PRKCA: variants seen among roughly 807,000 people sequenced by gnomAD.
The protein encoded by PRKCA is protein kinase C alpha.
A neutral mutation model predicts 87.0 loss-of-function variants in PRKCA; 27 were observed. That is an observed-to-expected ratio of 0.31 (90% CI 0.23 to 0.43). The LOEUF (loss-of-function observed/expected upper bound fraction) is 0.43, where lower values mean the gene tolerates loss of function less well. Among genes scored for constraint, PRKCA ranks in the 20% least tolerant of loss-of-function variants. The pLI is 1.00. For missense variants in PRKCA, 518 were observed against 852.3 expected, an observed-to-expected ratio of 0.61 and a Z score of 4.88; for synonymous variants, 329 against 311.1, an observed-to-expected ratio of 1.06 and a Z score of -0.61.
chr17:66,735,339 C>A, intron 9 of PRKCA, 150 bp from the exon 10 acceptor site: 2 of 806,602 alleles, frequency 2.5e-6, no homozygotes, highest in East Asian at 2.6e-5. Flanking sequence ...GTAGAATTTA[C>A]AAATTTGCAC....
At position 66,406,585 on chromosome 17, in the gene PRKCA, G is replaced by GTTTTTTTTTTTTTTTTTTT. The variant is rs71160568; in HGVS notation, c.206-89610_206-89592dup. Among the ~76,000 whole-genome samples the GTTTTTTTTTTTTTTTTTTT allele has an allele frequency of 3.2e-3, 222 of 70,160 alleles. 54 individuals are homozygous for GTTTTTTTTTTTTTTTTTTT. Among genetic ancestry groups the GTTTTTTTTTTTTTTTTTTT allele is most frequent in the Non-Finnish European group, 4.2e-3 (152 of 36,586 alleles). 46.0% of individuals were successfully genotyped at this position (70,160 alleles called of 152,430 possible). On this transcript the variant is annotated intron_variant, in intron 2 of 16. Coordinates refer to ENST00000413366, the MANE Select transcript of PRKCA (RefSeq NM_002737.3). ...TCATGTAGCATTGTAGCTTTTCCAG[G>GTTTTTTTTTTTTTTTTTTT]TTTTTTTTTTTTTTTTTTTTTTTTA...
intron 3 of PRKCA, among the ~76,000 whole-genome samples, chr17:66,591,400 C>T (rs1231779538): frequency 6.6e-6 from 1 of 152,078 alleles, no homozygotes; most frequent in East Asian, 1.9e-4. Context: ...CTCAAATGAT[C>T]CTCCCACTTT....
chr17:66,541,877 G>A (rs1967999573), intron 3 of PRKCA, among the ~76,000 whole-genome samples: 1 of 152,168 alleles, frequency 6.6e-6, no homozygotes, highest in Non-Finnish European at 1.5e-5. Context: ...TCACTTAAAT[G>A]TCAAGGCCCT....
At chr17:66,604,588 A>C (rs757903532) in intron 3 of PRKCA, among the ~76,000 whole-genome samples, 4 of 152,194 alleles carry the variant, frequency 2.6e-5, no homozygotes, top group Non-Finnish European at 5.9e-5. Context: ...ACCAGTGTAC[A>C]ACCACACTAC....
chr17:66,476,708 A>G (rs752236085), intron 2 of PRKCA, among the ~76,000 whole-genome samples: 1 of 152,152 alleles, frequency 6.6e-6, no homozygotes, highest in Non-Finnish European at 1.5e-5. Context: ...TCTTCTAATC[A>G]TTGACCTTCT....
At chr17:66,690,448 C>T (rs1287197359) in intron 8 of PRKCA, among the ~76,000 whole-genome samples, 1 of 152,142 alleles carries the variant, frequency 6.6e-6, no homozygotes, top group Non-Finnish European at 1.5e-5. Context: ...CCTCTATTGC[C>T]GGATCTTCCT....
At chr17:66,458,515 C>G (rs1227829593) in intron 2 of PRKCA, among the ~76,000 whole-genome samples, 3 of 150,696 alleles carry the variant, frequency 2.0e-5, no homozygotes. Context: ...GGTTTCTATT[C>G]TGTCGCCCAG....
intron 16 of PRKCA, among the ~76,000 whole-genome samples, chr17:66,789,647 A>G (rs991327385): frequency 2.6e-5 from 4 of 152,142 alleles, no homozygotes; most frequent in East Asian, 1.9e-4. Flanking sequence ...GATGGGTACT[A>G]TGGTCCCCAG....
chr17:66,370,556 T>C (rs1408176595), intron 2 of PRKCA, among the ~76,000 whole-genome samples: 1 of 141,234 alleles, frequency 7.1e-6, no homozygotes, highest in Non-Finnish European at 1.5e-5. Context: ...TTTCTTTTTT[T>C]TTTTTTTTTT....
intron 13 of PRKCA, among the ~76,000 whole-genome samples, chr17:66,743,012 A>G (rs1379335714): frequency 6.6e-6 from 1 of 152,196 alleles, no homozygotes; most frequent in Non-Finnish European, 1.5e-5. Flanking sequence ...TGTATTTGTT[A>G]CATGGTCATG....
At chr17:66,343,296 T>G (rs1173336988) in intron 2 of PRKCA, among the ~76,000 whole-genome samples, 1 of 152,192 alleles carries the variant, frequency 6.6e-6, no homozygotes, top group Admixed American at 6.5e-5. Context: ...TTTTGGTACT[T>G]AATCCATTTC....
intron 2 of PRKCA, among the ~76,000 whole-genome samples, chr17:66,391,994 G>A (rs1910384724): frequency 6.6e-6 from 1 of 152,152 alleles, no homozygotes; most frequent in African/African-American, 2.4e-5. Flanking sequence ...ACTTTGGGAG[G>A]CCGAGGCTGG....
chr17:66,460,435 T>A (rs1309200212), intron 2 of PRKCA, among the ~76,000 whole-genome samples: 1 of 152,228 alleles, frequency 6.6e-6, no homozygotes, highest in Non-Finnish European at 1.5e-5. Flanking sequence ...AGCGAAGGCG[T>A]GCCACCTCCT....
At chr17:66,309,037 T>C (rs1238833696) in intron 2 of PRKCA, among the ~76,000 whole-genome samples, 1 of 152,214 alleles carries the variant, frequency 6.6e-6, no homozygotes, top group East Asian at 1.9e-4. Context: ...CAGATTATTT[T>C]TACCCGATGA....
chr17:66,742,370 A>G (rs1320656900), intron 12 of PRKCA, among the ~76,000 whole-genome samples: 1 of 152,254 alleles, frequency 6.6e-6, no homozygotes, highest in East Asian at 1.9e-4. Flanking sequence ...GACATAGGCA[A>G]GATTGAGAAT....
intron 13 of PRKCA, among the ~76,000 whole-genome samples, chr17:66,747,579 A>G (rs935282923): frequency 6.6e-5 from 10 of 152,210 alleles, no homozygotes; most frequent in African/African-American, 1.9e-4. Flanking sequence ...GTAAGAGCAA[A>G]GGTGGGATTT....
chr17:66,389,863 G>A (rs1340232001), intron 2 of PRKCA, among the ~76,000 whole-genome samples: 2 of 152,262 alleles, frequency 1.3e-5, no homozygotes, highest in African/African-American at 4.8e-5. Flanking sequence ...CATGCAAAAT[G>A]CACACGAATA....
At position 66,803,110 on chromosome 17, in the gene PRKCA, T is replaced by C. The variant is rs1335047108; in HGVS notation, c.1855-763T>C. On this transcript the variant is annotated intron_variant, in intron 16 of 16. Transcript: ENST00000413366. The surrounding 1 kb of genome is among the most constrained non-coding windows in gnomAD (Gnocchi z 4.4). Reference sequence around the variant, plus strand: ...TGTCTCAGCGACCCCAGTGCAACAGTTCTGCCTGGAGTGGACCCTGGAGGA... The same window carrying C: ...TGTCTCAGCGACCCCAGTGCAACAGCTCTGCCTGGAGTGGACCCTGGAGGA... 2.0e-5 allele frequency among the ~76,000 whole-genome samples: 3 copies of C among 152,158 alleles called. No individual in the cohort carries two copies. Among genetic ancestry groups the C allele is most frequent in the Non-Finnish European group, 4.4e-5 (3 of 68,022 alleles).
intron 13 of PRKCA, among the ~76,000 whole-genome samples, chr17:66,758,514 G>C (rs1377637713): frequency 5.3e-5 from 8 of 152,180 alleles, no homozygotes; most frequent in Non-Finnish European, 1.2e-4. Flanking sequence ...TGGTTGAATG[G>C]CAGAGTGGCA....
Sources: allele counts gnomAD v4.1 joint callset (sites outside exome capture counted in the v4.1 genomes callset), GRCh38; gene constraint gnomAD v4.1.1; non-coding constraint Gnocchi (gnomAD v3.1); transcripts MANE v1.5; gene names NCBI Gene and HGNC (gene_info 2026-07-23, HGNC 2026-07-21).